The following COL27A1 variants were observed in gnomAD, a reference collection of about 807,000 sequenced individuals.
The protein encoded by COL27A1 is collagen alpha-1(XXVII) chain.
A neutral mutation model predicts 251.3 loss-of-function variants in COL27A1; 106 were observed. The ratio of observed to expected loss-of-function variants is 0.42; its 90% CI spans 0.36 to 0.50. The LOEUF is 0.50. Among genes scored for constraint, COL27A1 ranks in the 20% least tolerant of loss-of-function variants. COL27A1 has a pLI of 0.00. For synonymous variants in COL27A1, 1,000 were observed against 986.3 expected (o/e 1.01, Z -0.26); for missense variants, 2,325 against 2,522.8 (o/e 0.92, Z 1.68).
rs990955128 is a variant in COL27A1 at position 114,256,634 on chromosome 9, C to T, written c.3142-1907C>T. The stretch of plus-strand genomic sequence containing the variant: ...TCAATTCTGACCTCCTCCTGCCTTG[C>T]GAGAGCAGGCAGCTACCTTTTCCTG... On this transcript the variant is annotated intron_variant, in intron 27 of 60. Coordinates refer to ENST00000356083, the MANE Select transcript of COL27A1 (RefSeq NM_032888.4). 3.9e-5 allele frequency among the ~76,000 whole-genome samples: 6 copies of T among 152,238 alleles called. No individual in the cohort carries two copies. The East Asian group carries it at 5.8e-4, about 15-fold the overall frequency.
chr9:114,298,150 A>AAG (rs1382590850), intron 49 of COL27A1, among the ~76,000 whole-genome samples: 1 of 146,468 alleles, frequency 6.8e-6, no homozygotes, highest in African/African-American at 2.5e-5. Context: ...AAAAAAAAAA[A>AAG]GTACAAGATA....
chr9:114,157,282 T>TCCTGCCTC (rs999209784), intron 1 of COL27A1, among the ~76,000 whole-genome samples: 2 of 152,340 alleles, frequency 1.3e-5, no homozygotes, highest in East Asian at 1.9e-4. Context: ...CTCTGCCTTC[T>TCCTGCCTC]CCTGCCTCCC....
chr9:114,231,274 G>A (rs1662504182), intron 15 of COL27A1, 142 bp downstream of exon 15: 1 of 771,108 alleles, frequency 1.3e-6, no homozygotes. Context: ...CTAGGAGGAA[G>A]CTGGGCAGGT....
At chr9:114,253,254 G>A (rs991921928) in intron 27 of COL27A1, among the ~76,000 whole-genome samples, 2 of 131,132 alleles carry the variant, frequency 1.5e-5, no homozygotes, top group Admixed American at 1.5e-4. Context: ...GCTAGACCCT[G>A]TCTCAAAAAA....
chr9:114,300,642 TGGC>T lies in COL27A1; in HGVS notation c.4657_4659del (p.Gly1553del). 1 of 1,530,470 alleles carries T rather than the reference TGGC, an allele frequency of 6.5e-7. No individual in the cohort carries two copies. The highest frequency in any genetic ancestry group is 2.4e-5 in the East Asian group (1 of 41,568). 94.8% of individuals were successfully genotyped at this position (1,530,470 alleles called of 1,614,324 possible). On this transcript the variant is annotated inframe_deletion, in exon 51 of 61. Transcript: ENST00000356083. ...TCCCACAGGGCCCGCCTGGAGACAT[TGGC>T]TTCAAAGGCATCCAGGGCCCTCGGG...
At chr9:114,253,772 T>C (rs909159207) in intron 27 of COL27A1, among the ~76,000 whole-genome samples, 6 of 152,228 alleles carry the variant, frequency 3.9e-5, no homozygotes, top group Non-Finnish European at 8.8e-5. Flanking sequence ...CTAATGTTCA[T>C]TACAGAATGG....
chr9:114,296,085 A>G (rs941428193), intron 49 of COL27A1, among the ~76,000 whole-genome samples: 2 of 151,914 alleles, frequency 1.3e-5, no homozygotes, highest in African/African-American at 4.8e-5. Flanking sequence ...ACCTAAATGT[A>G]AAACTGAAAA....
At chr9:114,181,891 A>C (rs1357037839) in intron 4 of COL27A1, among the ~76,000 whole-genome samples, 1 of 152,178 alleles carries the variant, frequency 6.6e-6, no homozygotes, top group Non-Finnish European at 1.5e-5. Context: ...CAGTGTTCCC[A>C]GGTGCTCTGT....
chr9:114,160,426 A>G (rs1848420020), intron 1 of COL27A1, among the ~76,000 whole-genome samples: 1 of 152,200 alleles, frequency 6.6e-6, no homozygotes, highest in South Asian at 2.1e-4. Flanking sequence ...AAGTGCTGGG[A>G]TTACAGGTGT....
In COL27A1 at chr9:114,281,578, T is replaced by C. The variant is rs148005963; in HGVS notation, c.3718-699T>C. Among the ~76,000 whole-genome samples, 296 of 152,296 alleles carry C rather than the reference T, an allele frequency of 1.9e-3. 1 individual carries two copies. The highest frequency in any genetic ancestry group is 6.8e-3 in the Middle Eastern group (2 of 294). ...CTGTGAGGAGGCTCCTCCAGCCCAG[T>C]CCCTGAGAGAGGAGGGGCCCGTTCA... On this transcript the variant is annotated intron_variant, in intron 37 of 60. Transcript: ENST00000356083.
intron 4 of COL27A1, among the ~76,000 whole-genome samples, chr9:114,179,275 T>C (rs1472452226): frequency 1.3e-5 from 2 of 152,188 alleles, no homozygotes; most frequent in African/African-American, 4.8e-5. Context: ...GGCCCAGGGC[T>C]CTGGAATCTG....
chr9:114,170,318 G>A (rs566268775), intron 3 of COL27A1, among the ~76,000 whole-genome samples: 5 of 152,336 alleles, frequency 3.3e-5, no homozygotes, highest in Non-Finnish European at 7.3e-5. Flanking sequence ...CGGCTTGCCT[G>A]GGACCGTCTC....
At chr9:114,284,591 A>G in intron 40 of COL27A1, 133 bp from the exon 41 acceptor site, 1 of 858,998 alleles carries the variant, frequency 1.2e-6, no homozygotes, top group South Asian at 1.5e-5. Flanking sequence ...GCACAGACTT[A>G]CTCAGAGCCA....
chr9:114,259,301 G>A (rs921415609), intron 28 of COL27A1, among the ~76,000 whole-genome samples: 4 of 152,180 alleles, frequency 2.6e-5, no homozygotes. Flanking sequence ...CAAGGGCATT[G>A]GGAGGCTGCA....
chr9:114,177,954 C>T (rs1827598767), intron 3 of COL27A1, among the ~76,000 whole-genome samples: 1 of 152,150 alleles, frequency 6.6e-6, no homozygotes, highest in Non-Finnish European at 1.5e-5. Flanking sequence ...GAGACACAGG[C>T]TTCTAAGCAG....
intron 24 of COL27A1, among the ~76,000 whole-genome samples, chr9:114,249,874 G>A (rs902497): frequency 6.6e-6 from 1 of 152,082 alleles, no homozygotes; most frequent in African/African-American, 2.4e-5. Context: ...GGCTCAGTTT[G>A]TATTTTCCTT....
intron 37 of COL27A1, among the ~76,000 whole-genome samples, chr9:114,281,977 G>A (rs1014625864): frequency 1.3e-5 from 2 of 152,170 alleles, no homozygotes; most frequent in African/African-American, 4.8e-5. Flanking sequence ...CAACAGCAAA[G>A]CCAGCAATTG....
At chr9:114,164,683 G>C (rs971670071) in intron 2 of COL27A1, among the ~76,000 whole-genome samples, 1 of 152,212 alleles carries the variant, frequency 6.6e-6, no homozygotes, top group African/African-American at 2.4e-5. Context: ...CCAACCAAAT[G>C]GCTCCTCCCA....
At chr9:114,282,148 T>G (rs1192837911) in intron 37 of COL27A1, 129 bp from the exon 38 acceptor site, 1 of 755,284 alleles carries the variant, frequency 1.3e-6, no homozygotes. Flanking sequence ...ATGTGGGTAC[T>G]GGGTGGCAGA....
Sources: allele counts gnomAD v4.1 joint callset (sites outside exome capture counted in the v4.1 genomes callset), GRCh38; gene constraint gnomAD v4.1.1; transcripts MANE v1.5; gene names NCBI Gene and HGNC (gene_info 2026-07-23, HGNC 2026-07-21).